Variants in SLC25A21 observed in about 807,000 individuals in gnomAD.
SLC25A21 encodes solute carrier family 25 member 21.
In SLC25A21, 47 loss-of-function variants were observed where a neutral mutation model predicts 43.8. That is an observed-to-expected ratio of 1.07 (90% CI 0.85 to 1.37). The LOEUF is 1.37. Ranked by LOEUF, SLC25A21 falls within the 40% of genes most tolerant of loss-of-function variation. SLC25A21 has a pLI of 0.00. For missense variants in SLC25A21, 352 were observed against 350.2 expected (o/e 1.00, Z -0.04); for synonymous variants, 131 against 121.3 (o/e 1.08, Z -0.52).
At chr14:36,788,118 G>T (rs1887316951) in intron 3 of SLC25A21, among the ~76,000 whole-genome samples, 1 of 152,140 alleles carries the variant, frequency 6.6e-6, no homozygotes. Flanking sequence ...ACTTTTTAAA[G>T]TCTGGACACA....
rs142927017 is a variant in SLC25A21 at position 36,793,596 on chromosome 14, A to G, written c.203+20322T>C. Among the ~76,000 whole-genome samples, 3 of 151,388 alleles carry G rather than the reference A, an allele frequency of 2.0e-5. No homozygotes were observed. The East Asian group carries it at 5.8e-4, about 29-fold the overall frequency. ...GTCTCATACATGTCATGTTATTTGC[A>G]GTTAGGAGTTAAGGAGGACAAGCAC... On this transcript the variant is annotated intron_variant, in intron 3 of 9. Coordinates refer to ENST00000331299, the MANE Select transcript of SLC25A21 (RefSeq NM_030631.4).
rs1233240787 is a variant in SLC25A21 at position 36,725,609 on chromosome 14, T to C, written c.399A>G (p.Val133=). The change falls in exon 6 of 10, where the codon GTA becomes GTG. Residue 133 remains valine, a synonymous_variant. Transcript: ENST00000331299. Reference sequence around the variant, plus strand: ...TCCGATTTGCTTGCAAGCCAACTTTTACTACCTCAAAAGGGTTAACTACAA... The same window carrying C: ...TCCGATTTGCTTGCAAGCCAACTTTCACTACCTCAAAAGGGTTAACTACAA... The part of the protein sequence containing the change: ...EAIVVNPFEV[V]KVGLQANRNT... The C allele has an allele frequency of 3.8e-6, 6 of 1,595,728 alleles. No homozygotes were observed. The highest frequency in any genetic ancestry group is 4.3e-6 in the Non-Finnish European group (5 of 1,171,566).
intron 1 of SLC25A21, among the ~76,000 whole-genome samples, chr14:36,921,057 C>T (rs977487405): frequency 2.0e-5 from 3 of 152,014 alleles, no homozygotes; most frequent in African/African-American, 7.2e-5. Context: ...GATCTCTTTG[C>T]TTTTAACCAT....
chr14:36,844,948 T>C (rs1276053201), intron 2 of SLC25A21, among the ~76,000 whole-genome samples: 1 of 152,234 alleles, frequency 6.6e-6, no homozygotes, highest in Non-Finnish European at 1.5e-5. Flanking sequence ...TGAAATGTAA[T>C]ATTCCATATG....
chr14:37,100,503 T>C (rs1236148553), intron 1 of SLC25A21, among the ~76,000 whole-genome samples: 1 of 152,248 alleles, frequency 6.6e-6, no homozygotes, highest in Non-Finnish European at 1.5e-5. Flanking sequence ...AGATGTTTAA[T>C]TGAGGTATCT....
chr14:36,775,841 C>A (rs1160689069), intron 3 of SLC25A21, among the ~76,000 whole-genome samples: 2 of 152,144 alleles, frequency 1.3e-5, no homozygotes, highest in Non-Finnish European at 2.9e-5. Flanking sequence ...CCTACCCCCA[C>A]CCAAATACCC....
At chr14:37,060,461 T>C (rs1961924577) in intron 1 of SLC25A21, among the ~76,000 whole-genome samples, 1 of 150,310 alleles carries the variant, frequency 6.7e-6, no homozygotes, top group African/African-American at 2.4e-5. Context: ...TGGTGGAAAC[T>C]GTAAAGAATT....
chr14:36,973,366 G>C (rs916828557), intron 1 of SLC25A21, among the ~76,000 whole-genome samples: 2 of 152,176 alleles, frequency 1.3e-5, no homozygotes, highest in African/African-American at 4.8e-5. Flanking sequence ...GCAAAGGCAC[G>C]TGAGAAACAT....
chr14:36,893,919 A>T (rs1594674247), intron 1 of SLC25A21, among the ~76,000 whole-genome samples: 1 of 152,294 alleles, frequency 6.6e-6, no homozygotes, highest in Non-Finnish European at 1.5e-5. Flanking sequence ...TGGTACCAGT[A>T]CCATGCTGTT....
chr14:36,873,836 T>C (rs576620652), intron 2 of SLC25A21, among the ~76,000 whole-genome samples: 61 of 152,252 alleles, frequency 4.0e-4, no homozygotes, highest in African/African-American at 1.5e-3. Context: ...GTCATGTAAG[T>C]ATACAGCAAG....
At chr14:36,824,590 G>A (rs1327197911) in intron 2 of SLC25A21, among the ~76,000 whole-genome samples, 2 of 152,008 alleles carry the variant, frequency 1.3e-5, no homozygotes, top group African/African-American at 2.4e-5. Flanking sequence ...GATTAAGATC[G>A]CTTAGAAAAG....
chr14:37,152,567 A>G (rs1214052599), intron 1 of SLC25A21, among the ~76,000 whole-genome samples: 3 of 152,034 alleles, frequency 2.0e-5, no homozygotes, highest in African/African-American at 4.8e-5. Flanking sequence ...TTTCTGCTAT[A>G]TACCTTAAAA....
intron 3 of SLC25A21, among the ~76,000 whole-genome samples, chr14:36,812,761 T>A (rs945549645): frequency 1.3e-5 from 2 of 152,148 alleles, no homozygotes; most frequent in Non-Finnish European, 2.9e-5. Flanking sequence ...CAGGTAGTGA[T>A]CTACAGCAGT....
chr14:37,120,280 GT>G (rs912769557), intron 1 of SLC25A21, among the ~76,000 whole-genome samples: 10 of 152,092 alleles, frequency 6.6e-5, no homozygotes, highest in African/African-American at 2.4e-4. Context: ...ATCAACATGT[GT>G]TTTAAACATT....
intron 1 of SLC25A21, among the ~76,000 whole-genome samples, chr14:37,052,007 T>TGCAGTGTG (rs1157183671): frequency 6.6e-6 from 1 of 152,210 alleles, no homozygotes; most frequent in Non-Finnish European, 1.5e-5. Context: ...GGAATTGAAA[T>TGCAGTGTG]GCAGTGTGAA....
intron 3 of SLC25A21, among the ~76,000 whole-genome samples, chr14:36,793,118 CAT>C (rs1360374207): frequency 6.6e-6 from 1 of 152,120 alleles, no homozygotes; most frequent in Non-Finnish European, 1.5e-5. Context: ...CATAGGTGCA[CAT>C]GTTTAGTACG....
chr14:36,873,383 C>A (rs1033255785), intron 2 of SLC25A21, among the ~76,000 whole-genome samples: 1 of 152,068 alleles, frequency 6.6e-6, no homozygotes, highest in African/African-American at 2.4e-5. Flanking sequence ...GCAACCTCTA[C>A]CTCCCGGGTT....
intron 7 of SLC25A21, among the ~76,000 whole-genome samples, chr14:36,691,926 G>T (rs2139152970): frequency 6.6e-6 from 1 of 152,234 alleles, no homozygotes. Flanking sequence ...ACTTTATTCT[G>T]TGATAATAAT....
chr14:36,768,863 G>C (rs899023440), intron 3 of SLC25A21, among the ~76,000 whole-genome samples: 1 of 151,220 alleles, frequency 6.6e-6, no homozygotes, highest in South Asian at 2.1e-4. Context: ...GGAAGGCTGA[G>C]GCAGAAGGAC....
Sources: gnomAD v4.1 joint callset for allele counts (sites outside exome capture counted in the v4.1 genomes callset) on GRCh38, gnomAD v4.1.1 for gene constraint, MANE v1.5 for transcripts, NCBI Gene and HGNC (gene_info 2026-07-23, HGNC 2026-07-21) for gene names.